The following ENTREP2 variants were observed in gnomAD, a reference collection of about 807,000 sequenced individuals.
The protein encoded by ENTREP2 is endosomal transmembrane epsin interactor 2, also known as protein ENTREP2.
chr15:29,321,142 G>A, the ENTREP2 span, among the ~76,000 whole-genome samples: 1 of 152,090 alleles, frequency 6.6e-6, no homozygotes, highest in African/African-American at 2.4e-5. Flanking sequence ...TCTACGCTGA[G>A]GCATCTCATT....
the ENTREP2 span, among the ~76,000 whole-genome samples, chr15:29,259,195 G>A: frequency 1.3e-5 from 2 of 152,182 alleles, no homozygotes; most frequent in Non-Finnish European, 2.9e-5. Flanking sequence ...CTCAAAATTA[G>A]TTTGGAAAAG....
the ENTREP2 span, among the ~76,000 whole-genome samples, chr15:29,296,458 A>G: frequency 6.6e-6 from 1 of 152,220 alleles, no homozygotes; most frequent in African/African-American, 2.4e-5. Context: ...CAGAACAAAT[A>G]TTGGAAAAAG....
chr15:29,425,992 T>C, the ENTREP2 span, among the ~76,000 whole-genome samples: 3 of 150,118 alleles, frequency 2.0e-5, no homozygotes, highest in Admixed American at 6.6e-5. Context: ...AATTATTAAA[T>C]TTATATAATT....
At chr15:29,309,361 C>T in the ENTREP2 span, among the ~76,000 whole-genome samples, 1 of 152,178 alleles carries the variant, frequency 6.6e-6, no homozygotes, top group Non-Finnish European at 1.5e-5. Flanking sequence ...CACAAAATCA[C>T]CTCACTTGCT....
At chr15:29,475,737 G>A in the ENTREP2 span, among the ~76,000 whole-genome samples, 1 of 152,336 alleles carries the variant, frequency 6.6e-6, no homozygotes, top group East Asian at 1.9e-4. Context: ...GAGGGGTATG[G>A]GTCCTGAGAA....
chr15:29,225,631 CT>C, the ENTREP2 span, among the ~76,000 whole-genome samples: 2 of 152,226 alleles, frequency 1.3e-5, no homozygotes, highest in Non-Finnish European at 2.9e-5. Flanking sequence ...GTGCATTGCT[CT>C]CCCTGCCTGG....
chr15:29,222,007 G>C, the ENTREP2 span, among the ~76,000 whole-genome samples: 1 of 152,244 alleles, frequency 6.6e-6, no homozygotes, highest in Admixed American at 6.5e-5. Flanking sequence ...GTTGTTGTCA[G>C]AGGTGTTTGA....
At chr15:29,381,956 G>T in the ENTREP2 span, 3 of 812,890 alleles carry the variant, frequency 3.7e-6, no homozygotes, top group Non-Finnish European at 6.0e-6. Flanking sequence ...CAGTGGCGGG[G>T]CTACCATGAG....
At chr15:29,649,727 CAA>C in the ENTREP2 span, among the ~76,000 whole-genome samples, 52 of 66,912 alleles carry the variant, frequency 7.8e-4, no homozygotes, top group African/African-American at 1.4e-3. Context: ...TCAACAACAA[CAA>C]AAAAAAAAAA....
chr15:29,592,682 A>T, the ENTREP2 span, among the ~76,000 whole-genome samples: 1 of 152,044 alleles, frequency 6.6e-6, no homozygotes, highest in Non-Finnish European at 1.5e-5. Context: ...TTGAAATTTG[A>T]TCCTCAGTGT....
chr15:29,127,887 C>G, the ENTREP2 span, among the ~76,000 whole-genome samples: 1 of 152,172 alleles, frequency 6.6e-6, no homozygotes, highest in South Asian at 2.1e-4. Flanking sequence ...CTGGGTTGGC[C>G]GTGGGAAAGT....
the ENTREP2 span, among the ~76,000 whole-genome samples, chr15:29,424,458 T>C: frequency 6.6e-6 from 1 of 152,162 alleles, no homozygotes; most frequent in African/African-American, 2.4e-5. Flanking sequence ...GTTCTCCAAA[T>C]CCCCACCTGA....
the ENTREP2 span, among the ~76,000 whole-genome samples, chr15:29,290,621 C>G: frequency 6.6e-6 from 1 of 152,216 alleles, no homozygotes; most frequent in African/African-American, 2.4e-5. Flanking sequence ...TTCTAACACA[C>G]AGAAGGCGCT....
chr15:29,434,075 A>G, the ENTREP2 span, among the ~76,000 whole-genome samples: 2 of 152,204 alleles, frequency 1.3e-5, no homozygotes, highest in African/African-American at 2.4e-5. Flanking sequence ...CGGATGACCA[A>G]GGAAATCTGC....
At chr15:29,277,165 G>A in the ENTREP2 span, among the ~76,000 whole-genome samples, 2 of 151,962 alleles carry the variant, frequency 1.3e-5, no homozygotes, top group African/African-American at 2.4e-5. Context: ...CCAACATGGC[G>A]GAACCCCATC....
At chr15:29,491,289 T>C in the ENTREP2 span, among the ~76,000 whole-genome samples, 1 of 152,150 alleles carries the variant, frequency 6.6e-6, no homozygotes, top group Non-Finnish European at 1.5e-5. Context: ...GGGAGCTGGC[T>C]CCTGCCTCGG....
At chr15:29,581,943 T>G in the ENTREP2 span, among the ~76,000 whole-genome samples, 27 of 13,370 alleles carry the variant, frequency 2.0e-3, no homozygotes, top group African/African-American at 4.7e-3. Flanking sequence ...AATATGCTGG[T>G]TTTTTTTTTT....
At chr15:29,524,716 G>A in the ENTREP2 span, among the ~76,000 whole-genome samples, 1 of 152,230 alleles carries the variant, frequency 6.6e-6, no homozygotes, top group Non-Finnish European at 1.5e-5. Context: ...CACCCTGCCA[G>A]ATCTAGAGGG....
the ENTREP2 span, among the ~76,000 whole-genome samples, chr15:29,617,085 AATAAG>A: frequency 6.1e-3 from 934 of 152,226 alleles, 7 homozygotes; most frequent in African/African-American, 0.021. Context: ...TAAATAAATA[AATAAG>A]ATAAGATTTA....
Sources: allele counts gnomAD v4.1 joint callset (sites outside exome capture counted in the v4.1 genomes callset), GRCh38; gene constraint gnomAD v4.1.1; transcripts MANE v1.5; gene names NCBI Gene and HGNC (gene_info 2026-07-23, HGNC 2026-07-21).